The following DIAPH2 variants were observed in gnomAD, a reference collection of about 807,000 sequenced individuals.
The protein encoded by DIAPH2 is diaphanous related formin 2, also known as protein diaphanous homolog 2.
Under a neutral mutation model 92.7 loss-of-function variants are expected in DIAPH2, and 35 were observed. The observed-to-expected ratio is 0.38, with a 90% CI of 0.29 to 0.50. The LOEUF is 0.50. DIAPH2 is among the 20% of genes least tolerant of loss of function. The pLI is 0.94. For synonymous variants in DIAPH2, 301 were observed against 280.4 expected, an observed-to-expected ratio of 1.07 and a Z score of -0.73; for missense variants, 701 against 819.5, an observed-to-expected ratio of 0.86 and a Z score of 1.77.
At chrX:97,175,943 A>G (rs1367038250) in intron 22 of DIAPH2, among the ~76,000 whole-genome samples, 1 of 111,921 alleles carries the variant, frequency 8.9e-6, no homozygotes, top group Non-Finnish European at 1.9e-5. Flanking sequence ...TGAATCATTT[A>G]TCTACTTTAT....
At chrX:97,267,383 C>T (rs1211420398) in intron 23 of DIAPH2, among the ~76,000 whole-genome samples, 1 of 111,632 alleles carries the variant, frequency 9.0e-6, no homozygotes, top group East Asian at 2.8e-4. Context: ...GTGTCTTTTT[C>T]TTTTAAAAAA....
intron 5 of DIAPH2, among the ~76,000 whole-genome samples, chrX:96,906,908 C>T (rs1474378164): frequency 8.9e-6 from 1 of 111,793 alleles, no homozygotes; most frequent in South Asian, 3.8e-4. Flanking sequence ...ATATAAGCTT[C>T]CTGGCTTCCT....
intron 22 of DIAPH2, among the ~76,000 whole-genome samples, chrX:97,215,906 G>A (rs1210914715): frequency 8.9e-6 from 1 of 112,033 alleles, no homozygotes; most frequent in Non-Finnish European, 1.9e-5. Context: ...ATGCAAGTGC[G>A]AAATTGATCC....
intron 23 of DIAPH2, among the ~76,000 whole-genome samples, chrX:97,307,588 C>T (rs2068757588): frequency 9.0e-6 from 1 of 111,324 alleles, no homozygotes; most frequent in African/African-American, 3.3e-5. Context: ...ATTAGTGGTA[C>T]AAATTTCATT....
intron 5 of DIAPH2, among the ~76,000 whole-genome samples, chrX:96,888,499 CTATA>C (rs1362556767): frequency 2.6e-4 from 27 of 102,248 alleles, no homozygotes; most frequent in Middle Eastern, 5.2e-3. Context: ...ATATATATCT[CTATA>C]TATGTACACA....
chrX:96,757,755 C>G (rs1052692963), intron 3 of DIAPH2, among the ~76,000 whole-genome samples: 27 of 111,286 alleles, frequency 2.4e-4, no homozygotes, highest in Admixed American at 2.4e-3. Flanking sequence ...ATTTGCTTTC[C>G]CAGGTAATAA....
Position 97,239,877 on chromosome X carries a change from T to TCA in DIAPH2, c.2720-7826_2720-7825dup, listed in dbSNP as rs199937744. ...CTCTCTCTTTCTCTCTCTCTCTTTCTCACACACACACACGCACACGCACAT... is the reference window on the plus strand; with the variant it reads ...CTCTCTCTTTCTCTCTCTCTCTTTCTCACACACACACACACGCACACGCACAT... On this transcript the variant is annotated intron_variant, in intron 22 of 26. Coordinates refer to ENST00000324765, the MANE Select transcript of DIAPH2 (RefSeq NM_006729.5). Among the ~76,000 whole-genome samples, 814 of 108,235 alleles carry TCA rather than the reference T, an allele frequency of 7.5e-3. 10 individuals carry two copies. Among genetic ancestry groups the TCA allele is most frequent in the African/African-American group, 0.024 (722 of 29,743 alleles). 94.0% of individuals were successfully genotyped at this position (108,235 alleles called of 115,157 possible).
chrX:97,389,060 A>C (rs2069628849), intron 25 of DIAPH2, among the ~76,000 whole-genome samples: 1 of 111,550 alleles, frequency 9.0e-6, no homozygotes, highest in African/African-American at 3.3e-5. Context: ...CAGTATTATT[A>C]TGAAAATAGT....
chrX:97,100,749 A>T (rs2147364200), intron 20 of DIAPH2, among the ~76,000 whole-genome samples: 1 of 112,191 alleles, frequency 8.9e-6, no homozygotes, highest in African/African-American at 3.2e-5. Flanking sequence ...GCTTTTAAAT[A>T]GTATAATATG....
At chrX:97,403,062 T>C (rs2069773853) in intron 25 of DIAPH2, among the ~76,000 whole-genome samples, 1 of 111,941 alleles carries the variant, frequency 8.9e-6, no homozygotes, top group African/African-American at 3.2e-5. Context: ...AAACCAAGTG[T>C]GAGGCCCTTC....
intron 25 of DIAPH2, among the ~76,000 whole-genome samples, chrX:97,426,264 G>A (rs1394324424): frequency 3.7e-5 from 4 of 108,598 alleles, no homozygotes; most frequent in Non-Finnish European, 7.6e-5. Context: ...AGACAATTAT[G>A]CTATGCACCT....
chrX:97,367,691 C>T (rs1017604800), intron 24 of DIAPH2, among the ~76,000 whole-genome samples: 2 of 108,614 alleles, frequency 1.8e-5, no homozygotes, highest in African/African-American at 3.3e-5. Context: ...AATTCTCTAT[C>T]GGTAAAATAT....
At chrX:97,019,669 A>C (rs1264281563) in intron 17 of DIAPH2, among the ~76,000 whole-genome samples, 1 of 111,487 alleles carries the variant, frequency 9.0e-6, no homozygotes, top group Admixed American at 9.6e-5. Context: ...ATGATTATTT[A>C]AGACATACTT....
chrX:97,092,678 T>C (rs2066834344), intron 19 of DIAPH2, among the ~76,000 whole-genome samples: 1 of 111,714 alleles, frequency 9.0e-6, no homozygotes, highest in African/African-American at 3.3e-5. Context: ...TTTGAACTAA[T>C]TGAAGTGATT....
chrX:97,010,066 G>A (rs750015599), intron 17 of DIAPH2, among the ~76,000 whole-genome samples: 22 of 112,216 alleles, frequency 2.0e-4, no homozygotes, highest in Non-Finnish European at 3.4e-4. Flanking sequence ...ATTTAGGACT[G>A]CAGAACACTT....
At chrX:96,721,747 T>A (rs2063989642) in intron 1 of DIAPH2, among the ~76,000 whole-genome samples, 1 of 112,013 alleles carries the variant, frequency 8.9e-6, no homozygotes, top group African/African-American at 3.2e-5. Context: ...GTGTATTTGC[T>A]GCTGGAACCA....
chrX:96,981,702 A>G (rs2065998859), intron 17 of DIAPH2, among the ~76,000 whole-genome samples: 1 of 111,843 alleles, frequency 8.9e-6, no homozygotes, highest in Non-Finnish European at 1.9e-5. Flanking sequence ...TACATGCTAC[A>G]TTACTTTGCT....
intron 26 of DIAPH2, among the ~76,000 whole-genome samples, chrX:97,570,161 G>GATAGATAGATAT (rs2071361112): frequency 1.3e-5 from 1 of 77,729 alleles, no homozygotes; most frequent in African/African-American, 4.8e-5. Context: ...TAGATAGATA[G>GATAGATAGATAT]ATATACTAGA....
At chrX:97,276,025 G>A (rs1218645969) in intron 23 of DIAPH2, among the ~76,000 whole-genome samples, 1 of 112,909 alleles carries the variant, frequency 8.9e-6, no homozygotes, top group Non-Finnish European at 1.9e-5. Context: ...CTGCAATCCC[G>A]GCACCTCGGG....
Sources: gnomAD v4.1 joint callset for allele counts (sites outside exome capture counted in the v4.1 genomes callset) on GRCh38, gnomAD v4.1.1 for gene constraint, MANE v1.5 for transcripts, NCBI Gene and HGNC (gene_info 2026-07-23, HGNC 2026-07-21) for gene names.